The following TBC1D19 variants were observed in gnomAD, a reference collection of about 807,000 sequenced individuals.
TBC1D19 encodes TBC1 domain family, member 19.
In TBC1D19, 60 loss-of-function variants were observed where a neutral mutation model predicts 89.0. The observed-to-expected ratio is 0.67, with a 90% CI of 0.55 to 0.84. The LOEUF is 0.84. Among genes scored for constraint, TBC1D19 ranks in the 40% least tolerant of loss-of-function variants. The pLI is 0.00. For missense variants in TBC1D19, 500 were observed against 610.8 expected, an observed-to-expected ratio of 0.82 and a Z score of 1.91; for synonymous variants, 189 against 199.7, an observed-to-expected ratio of 0.95 and a Z score of 0.45.
chr4:26,592,458 A>G (rs533302468), intron 1 of TBC1D19, among the ~76,000 whole-genome samples: 3 of 152,326 alleles, frequency 2.0e-5, no homozygotes, highest in African/African-American at 4.8e-5. Flanking sequence ...CACCACTCCT[A>G]TTCAACATAG....
At chr4:26,593,881 C>G (rs1390593190) in intron 1 of TBC1D19, among the ~76,000 whole-genome samples, 2 of 152,182 alleles carry the variant, frequency 1.3e-5, no homozygotes, top group Non-Finnish European at 2.9e-5. Context: ...AACACTTTTA[C>G]ACTGTTGGTG....
chr4:26,689,840 A>G (rs1714121299), intron 13 of TBC1D19, among the ~76,000 whole-genome samples: 1 of 152,050 alleles, frequency 6.6e-6, no homozygotes, highest in Admixed American at 6.6e-5. Context: ...GCCAATAATA[A>G]CCCTGTGGTG....
intron 12 of TBC1D19, among the ~76,000 whole-genome samples, chr4:26,686,415 T>G (rs1713814408): frequency 6.6e-6 from 1 of 152,000 alleles, no homozygotes; most frequent in African/African-American, 2.4e-5. Flanking sequence ...GGTTTTGTGT[T>G]TTGTTTTTTT....
intron 8 of TBC1D19, 40 bp downstream of exon 8, chr4:26,659,747 T>A: frequency 7.4e-7 from 1 of 1,343,836 alleles, no homozygotes; most frequent in Non-Finnish European, 1.0e-6. Context: ...ATTTAGAAGA[T>A]AACCATTAGA....
intron 18 of TBC1D19, among the ~76,000 whole-genome samples, chr4:26,744,442 TC>T (rs1404959497): frequency 6.6e-6 from 1 of 151,764 alleles, no homozygotes; most frequent in African/African-American, 2.4e-5. Context: ...TTTGCTCTTG[TC>T]TTTCTGCTTG....
chr4:26,823,126 C>CA, the TBC1D19 span, among the ~76,000 whole-genome samples: 346 of 152,294 alleles, frequency 2.3e-3, 1 homozygote, highest in Admixed American at 5.7e-3. Context: ...TGGCAGAAGG[C>CA]AAGGAGGAGC....
chr4:26,727,477 T>C (rs769781052), intron 15 of TBC1D19, among the ~76,000 whole-genome samples: 6 of 152,206 alleles, frequency 3.9e-5, no homozygotes, highest in Non-Finnish European at 8.8e-5. Context: ...GATATGTTAA[T>C]GTGGCACTTT....
downstream of TBC1D19, among the ~76,000 whole-genome samples, chr4:26,758,103 A>G (rs1335710054): frequency 6.6e-6 from 1 of 152,130 alleles, no homozygotes; most frequent in African/African-American, 2.4e-5. Flanking sequence ...CTCTGTTGTG[A>G]AGATACCATG....
rs766899970 is a variant in TBC1D19 at position 26,717,916 on chromosome 4, T to C, written c.955-17T>C. ...AATAGTGCTTAATTGCTATTTTTTT[T>C]CCAATGTTATATTCAGGTATTACTT... is the stretch of plus-strand genomic sequence containing the variant. On this transcript the variant is annotated splice_polypyrimidine_tract_variant and intron_variant, in intron 13 of 20. Coordinates refer to ENST00000264866, the MANE Select transcript of TBC1D19 (RefSeq NM_018317.4). 2.5e-6 allele frequency: 4 copies of C among 1,598,208 alleles called. No individual in the cohort carries two copies. Among genetic ancestry groups the C allele is most frequent in the South Asian group, 1.1e-5 (1 of 89,784 alleles).
At chr4:26,734,890 A>G (rs1048989590) in intron 15 of TBC1D19, among the ~76,000 whole-genome samples, 14 of 150,190 alleles carry the variant, frequency 9.3e-5, no homozygotes, top group Non-Finnish European at 1.6e-4. Flanking sequence ...ATGTATACGT[A>G]TGTGTGTGTA....
intron 17 of TBC1D19, among the ~76,000 whole-genome samples, chr4:26,741,965 A>C (rs1718401298): frequency 1.3e-5 from 2 of 152,208 alleles, no homozygotes. Flanking sequence ...ATAACTTCTG[A>C]AGCAAATTTA....
At chr4:26,844,931 A>C in the TBC1D19 span, among the ~76,000 whole-genome samples, 4 of 152,228 alleles carry the variant, frequency 2.6e-5, no homozygotes, top group African/African-American at 9.6e-5. Context: ...TCATTATTTC[A>C]CATACCAAGA....
the TBC1D19 span, among the ~76,000 whole-genome samples, chr4:26,773,749 A>G: frequency 5.3e-5 from 8 of 152,174 alleles, no homozygotes; most frequent in African/African-American, 1.4e-4. Context: ...CGTTTTTGTC[A>G]GGATTGTCAA....
At chr4:26,794,022 C>T in the TBC1D19 span, among the ~76,000 whole-genome samples, 1 of 152,102 alleles carries the variant, frequency 6.6e-6, no homozygotes. Flanking sequence ...CAGGCCTGTA[C>T]TTGGAGCTTG....
chr4:26,825,939 C>T, the TBC1D19 span, among the ~76,000 whole-genome samples: 5 of 152,308 alleles, frequency 3.3e-5, no homozygotes, highest in South Asian at 4.1e-4. Context: ...TGGTGGCTCA[C>T]GCCTGTAATC....
chr4:26,597,165 A>G (rs948912256), intron 1 of TBC1D19, among the ~76,000 whole-genome samples: 3 of 152,246 alleles, frequency 2.0e-5, no homozygotes, highest in African/African-American at 7.2e-5. Context: ...TAAATATGTT[A>G]AAATCTCCCA....
chr4:26,657,843 T>C (rs945061446), intron 7 of TBC1D19, among the ~76,000 whole-genome samples: 2 of 152,250 alleles, frequency 1.3e-5, no homozygotes, highest in East Asian at 1.9e-4. Context: ...GCAGTAATGA[T>C]GAGCATTTTT....
intron 1 of TBC1D19, among the ~76,000 whole-genome samples, chr4:26,608,832 G>A (rs1741168217): frequency 6.6e-6 from 1 of 151,370 alleles, no homozygotes; most frequent in African/African-American, 2.4e-5. Flanking sequence ...TGGGGGGGAG[G>A]AAATTGGGTA....
chr4:26,759,433 A>C (rs923253204), downstream of TBC1D19, among the ~76,000 whole-genome samples: 6 of 152,016 alleles, frequency 3.9e-5, no homozygotes, highest in Non-Finnish European at 7.4e-5. Context: ...TTTTCATTTA[A>C]GTTAACTTTA....
Sources: allele counts gnomAD v4.1 joint callset (sites outside exome capture counted in the v4.1 genomes callset), GRCh38; gene constraint gnomAD v4.1.1; transcripts MANE v1.5; gene names NCBI Gene and HGNC (gene_info 2026-07-23, HGNC 2026-07-21).